MALRD1: variants seen among roughly 807,000 people sequenced by gnomAD.
MALRD1 encodes MAM and LDL receptor class A domain containing 1.
Under a neutral mutation model 242.1 loss-of-function variants are expected in MALRD1, and 247 were observed. The ratio of observed to expected loss-of-function variants is 1.02; its 90% CI spans 0.92 to 1.13. The LOEUF (loss-of-function observed/expected upper bound fraction) is 1.13, where lower values mean the gene tolerates loss of function less well. Ranked by LOEUF, MALRD1 falls within the 50% of genes most tolerant of loss-of-function variation. The pLI, the probability that MALRD1 is intolerant of heterozygous loss-of-function variation, is 0.00. For synonymous variants in MALRD1, 995 were observed against 866.6 expected, an observed-to-expected ratio of 1.15 and a Z score of -2.60; for missense variants, 2,989 against 2,533.1, an observed-to-expected ratio of 1.18 and a Z score of -3.86.
intron 12 of MALRD1, among the ~76,000 whole-genome samples, chr10:19,161,855 C>G (rs1003124661): frequency 1.3e-5 from 2 of 152,064 alleles, no homozygotes; most frequent in Non-Finnish European, 2.9e-5. Context: ...TGGTAAAACC[C>G]CATTGCTACT....
At chr10:19,701,690 TC>T (rs1448955219) in intron 38 of MALRD1, among the ~76,000 whole-genome samples, 2 of 83,476 alleles carry the variant, frequency 2.4e-5, no homozygotes. Flanking sequence ...TTTCCTCCCC[TC>T]CCCTTCCTCT....
chr10:19,149,077 C>CTATCTATCT (rs1554798064), intron 11 of MALRD1, among the ~76,000 whole-genome samples: 25 of 144,032 alleles, frequency 1.7e-4, no homozygotes, highest in African/African-American at 6.3e-4. Context: ...TCTATCTGTC[C>CTATCTATCT]ATCTATCTAT....
chr10:19,542,032 A>G (rs1245653459), intron 32 of MALRD1, among the ~76,000 whole-genome samples: 4 of 152,224 alleles, frequency 2.6e-5, no homozygotes, highest in African/African-American at 9.6e-5. Flanking sequence ...CTTTCTTTTC[A>G]CAATATAATA....
intron 35 of MALRD1, among the ~76,000 whole-genome samples, chr10:19,614,035 A>AT (rs1336920722): frequency 9.7e-4 from 147 of 150,822 alleles, no homozygotes; most frequent in African/African-American, 3.0e-3. Flanking sequence ...CCACACTCAC[A>AT]TTTTTTTTTC....
intron 4 of MALRD1, among the ~76,000 whole-genome samples, chr10:19,095,649 G>A (rs1836000431): frequency 6.6e-6 from 1 of 152,158 alleles, no homozygotes; most frequent in African/African-American, 2.4e-5. Flanking sequence ...GATACTATGT[G>A]TCCCTGGGCC....
chr10:19,521,007 A>ATGCT (rs1833857285), intron 31 of MALRD1, among the ~76,000 whole-genome samples: 3 of 152,258 alleles, frequency 2.0e-5, no homozygotes, highest in South Asian at 2.1e-4. Context: ...GACCCAAATG[A>ATGCT]TGCTTGCTTG....
intron 29 of MALRD1, among the ~76,000 whole-genome samples, chr10:19,462,363 A>T (rs1835990561): frequency 6.6e-6 from 1 of 152,222 alleles, no homozygotes; most frequent in Non-Finnish European, 1.5e-5. Flanking sequence ...AAATTATTCA[A>T]ACTAGCCAAT....
At chr10:19,088,448 A>C (rs1158222551) in intron 4 of MALRD1, among the ~76,000 whole-genome samples, 1 of 151,686 alleles carries the variant, frequency 6.6e-6, no homozygotes, top group East Asian at 1.9e-4. Flanking sequence ...ATATCAGTAA[A>C]ATATAACCTT....
intron 14 of MALRD1, among the ~76,000 whole-genome samples, chr10:19,185,207 G>A (rs1302091721): frequency 6.6e-6 from 1 of 152,120 alleles, no homozygotes; most frequent in Non-Finnish European, 1.5e-5. Context: ...AAACTATTTT[G>A]TACTGGCTGT....
chr10:19,580,598 T>C (rs1379999005), intron 33 of MALRD1, among the ~76,000 whole-genome samples: 4 of 152,200 alleles, frequency 2.6e-5, no homozygotes, highest in Non-Finnish European at 5.9e-5. Flanking sequence ...TTTATACAAA[T>C]CACGTATACA....
chr10:19,283,817 C>G (rs1304597015), intron 21 of MALRD1, among the ~76,000 whole-genome samples: 1 of 152,158 alleles, frequency 6.6e-6, no homozygotes, highest in East Asian at 1.9e-4. Context: ...CACGTTATCT[C>G]AATATTATAA....
At chr10:19,248,391 GA>G (rs35675203) in intron 18 of MALRD1, among the ~76,000 whole-genome samples, 129 of 137,468 alleles carry the variant, frequency 9.4e-4, no homozygotes, top group African/African-American at 8.8e-4. Context: ...AAGGTGCCAT[GA>G]AAAAAAAAAA....
At chr10:19,374,289 T>C (rs1334048178) in intron 26 of MALRD1, among the ~76,000 whole-genome samples, 1 of 152,196 alleles carries the variant, frequency 6.6e-6, no homozygotes, top group Non-Finnish European at 1.5e-5. Context: ...TGTATAATCT[T>C]GCTGCAGTAT....
intron 28 of MALRD1, among the ~76,000 whole-genome samples, chr10:19,397,819 A>G (rs1410788214): frequency 1.3e-5 from 2 of 151,546 alleles, no homozygotes; most frequent in Non-Finnish European, 2.9e-5. Flanking sequence ...ACACTTCTTT[A>G]TCTTTTGTCT....
At chr10:19,417,769 G>T (rs574391993) in intron 28 of MALRD1, among the ~76,000 whole-genome samples, 2 of 152,088 alleles carry the variant, frequency 1.3e-5, no homozygotes, top group Admixed American at 6.6e-5. Context: ...TTAATTGAGC[G>T]TAGTTTTAAC....
At chr10:19,529,753 A>T (rs1834267328) in intron 31 of MALRD1, among the ~76,000 whole-genome samples, 1 of 152,138 alleles carries the variant, frequency 6.6e-6, no homozygotes, top group Non-Finnish European at 1.5e-5. Flanking sequence ...AAACACACAG[A>T]TTAAAAATAA....
intron 18 of MALRD1, among the ~76,000 whole-genome samples, chr10:19,238,739 G>T (rs922512380): frequency 6.7e-6 from 1 of 149,240 alleles, no homozygotes; most frequent in South Asian, 2.1e-4. Flanking sequence ...GGGATTGCTG[G>T]GTTATGTGAT....
chr10:19,680,016 G>C (rs1842302865), intron 36 of MALRD1, among the ~76,000 whole-genome samples: 1 of 151,704 alleles, frequency 6.6e-6, no homozygotes, highest in Admixed American at 6.6e-5. Context: ...CTGAGAGACT[G>C]TTTGTTTCTT....
intron 8 of MALRD1, among the ~76,000 whole-genome samples, chr10:19,129,346 T>A (rs7920571): frequency 0.52 from 78,686 of 151,866 alleles, 21,809 homozygotes; most frequent in African/African-American, 0.72. Flanking sequence ...AAAAATGTAG[T>A]TGAACAACCA....
Sources: allele counts gnomAD v4.1 joint callset (sites outside exome capture counted in the v4.1 genomes callset), GRCh38; gene constraint gnomAD v4.1.1; transcripts MANE v1.5; gene names NCBI Gene and HGNC (gene_info 2026-07-23, HGNC 2026-07-21).